The following KCNN2 variants were observed in gnomAD, a reference collection of about 807,000 sequenced individuals.
The protein encoded by KCNN2 is potassium calcium-activated channel subfamily N member 2.
In KCNN2, 24 loss-of-function variants were observed where a neutral mutation model predicts 55.5. The observed-to-expected ratio is 0.43, with a 90% confidence interval of 0.31 to 0.61. The LOEUF (loss-of-function observed/expected upper bound fraction) is 0.61. Ranked by LOEUF, KCNN2 falls within the 20% of genes least tolerant of loss-of-function variation. The probability of loss-of-function intolerance (pLI) is 0.08; values close to 1 mark genes in which losing one functional copy is unlikely to be tolerated. For synonymous variants in KCNN2, 431 were observed against 336.1 expected, an observed-to-expected ratio of 1.28 and a Z score of -3.09; for missense variants, 754 against 853.6, an observed-to-expected ratio of 0.88 and a Z score of 1.45.
At chr5:114,215,394 A>G (rs1249338466) in intron 1 of KCNN2, among the ~76,000 whole-genome samples, 1 of 152,114 alleles carries the variant, frequency 6.6e-6, no homozygotes, top group Non-Finnish European at 1.5e-5. Flanking sequence ...AAAGAATAAC[A>G]AAGGAGAGTT....
At chr5:114,423,237 G>T (rs1759522233) in intron 3 of KCNN2, among the ~76,000 whole-genome samples, 1 of 152,244 alleles carries the variant, frequency 6.6e-6, no homozygotes, top group East Asian at 1.9e-4. Flanking sequence ...TTGGATAAGA[G>T]AATCGGGCTA....
At chr5:114,139,986 T>C (rs1450703611) in intron 1 of KCNN2, among the ~76,000 whole-genome samples, 1 of 152,102 alleles carries the variant, frequency 6.6e-6, no homozygotes, top group Non-Finnish European at 1.5e-5. Flanking sequence ...AAGAAAGATA[T>C]TAGATTTGCA....
At chr5:114,444,161 C>T (rs1561387226) in intron 3 of KCNN2, among the ~76,000 whole-genome samples, 1 of 152,156 alleles carries the variant, frequency 6.6e-6, no homozygotes, top group East Asian at 1.9e-4. Context: ...CACCAAGACT[C>T]TCCTTTTTGA....
At chr5:114,179,607 T>G (rs972865941) in intron 1 of KCNN2, among the ~76,000 whole-genome samples, 1 of 152,206 alleles carries the variant, frequency 6.6e-6, no homozygotes, top group Admixed American at 6.5e-5. Flanking sequence ...TGTCTACTTT[T>G]AGACAGTGTT....
chr5:114,163,719 G>A (rs1752846459), intron 1 of KCNN2, among the ~76,000 whole-genome samples: 1 of 152,114 alleles, frequency 6.6e-6, no homozygotes, highest in Non-Finnish European at 1.5e-5. Context: ...TGGGGAGGAA[G>A]GATGTGTGTC....
intron 1 of KCNN2, among the ~76,000 whole-genome samples, chr5:114,218,053 A>C (rs79958988): frequency 0.027 from 4,089 of 152,304 alleles, 166 homozygotes; most frequent in African/African-American, 0.093. Flanking sequence ...ATACCACTAC[A>C]CAAGTACTGA....
Position 114,089,939 on chromosome 5 carries a change from T to C in KCNN2, c.-271+33439T>C, listed in dbSNP as rs1355948263. ...TTGCTTAAAGTATTTCTTAATACTT[T>C]TATTGTTTTAGTAGATGTTTTACAA... On this transcript the variant is annotated intron_variant, in intron 1 of 10. Coordinates refer to the KCNN2 transcript ENST00000512097. Among the ~76,000 whole-genome samples the C allele has an allele frequency of 2.0e-5, 3 of 152,214 alleles. No individual in the cohort carries two copies. The East Asian group carries it at 5.8e-4, about 29-fold the overall frequency.
chr5:114,436,739 C>T (rs917208410), intron 3 of KCNN2, among the ~76,000 whole-genome samples: 1 of 152,160 alleles, frequency 6.6e-6, no homozygotes, highest in African/African-American at 2.4e-5. Flanking sequence ...ATGAATCATG[C>T]AGTTCAGCTT....
chr5:114,364,219 G>A (rs1757536612), intron 2 of KCNN2, among the ~76,000 whole-genome samples: 1 of 152,166 alleles, frequency 6.6e-6, no homozygotes. Context: ...TTTCTGAGGT[G>A]TATTTGTTGG....
intron 1 of KCNN2, among the ~76,000 whole-genome samples, chr5:114,085,066 A>ATG (rs891450981): frequency 2.2e-5 from 3 of 133,818 alleles, no homozygotes; most frequent in African/African-American, 8.0e-5. Flanking sequence ...ATATATATAT[A>ATG]TATGTGTGTG....
chr5:114,246,179 CTTG>C (rs1343385083), intron 2 of KCNN2, among the ~76,000 whole-genome samples: 1 of 152,040 alleles, frequency 6.6e-6, no homozygotes, highest in Non-Finnish European at 1.5e-5. Context: ...TACATAAGTA[CTTG>C]TTGTAGATAT....
At position 114,083,234 on chromosome 5, in the gene KCNN2, T is replaced by C. The variant is rs1750862257; in HGVS notation, c.-271+26734T>C. Among the ~76,000 whole-genome samples, 3 of 152,220 alleles carry C rather than the reference T, an allele frequency of 2.0e-5. No individual in the cohort carries two copies. The South Asian group carries it at 6.2e-4, about 32-fold the overall frequency. ...TGAAAATTTTGATTTCATTACTTTTTCACCATTTTTTATTTTGTTGATTTT... is the reference window on the plus strand; with the variant it reads ...TGAAAATTTTGATTTCATTACTTTTCCACCATTTTTTATTTTGTTGATTTT... On this transcript the variant is annotated intron_variant, in intron 1 of 10. Transcript: ENST00000512097.
intron 1 of KCNN2, among the ~76,000 whole-genome samples, chr5:114,144,868 A>G (rs1483777363): frequency 1.3e-5 from 2 of 150,578 alleles, no homozygotes; most frequent in South Asian, 2.1e-4. Flanking sequence ...ATGGGGGGGT[A>G]TAAGTCCTCA....
chr5:114,416,574 T>C (rs1441511064), intron 3 of KCNN2, among the ~76,000 whole-genome samples: 1 of 152,176 alleles, frequency 6.6e-6, no homozygotes, highest in Non-Finnish European at 1.5e-5. Flanking sequence ...TGGCAATTGA[T>C]TTTGACATAC....
rs1011815033 is a variant in KCNN2, at chr5:114,362,709, C to T, written c.570C>T (p.His190=). 2.8e-5 allele frequency: 42 copies of T among 1,496,952 alleles called. No homozygotes were observed. Among genetic ancestry groups the T allele is most frequent in the Admixed American group, 1.8e-4 (8 of 43,972 alleles). 92.7% of individuals were successfully genotyped at this position (1,496,952 alleles called of 1,614,324 possible). ...PPLSHHHHHP[H]PAHHQHHQPQ... ...TCTCGCACCACCACCACCACCCGCA[C>T]CCGGCGCACCACCAGCACCACCAGC... The change falls in exon 1 of 8, where the codon CAC becomes CAT. Residue 190 remains histidine, a synonymous_variant. Transcript: ENST00000673685.
chr5:114,192,806 G>A (rs1435718092), intron 1 of KCNN2, among the ~76,000 whole-genome samples: 1 of 152,010 alleles, frequency 6.6e-6, no homozygotes, highest in Non-Finnish European at 1.5e-5. Context: ...CTGAAGCTAC[G>A]AACTGAGCTA....
At chr5:114,114,988 G>C (rs910159148) in intron 1 of KCNN2, among the ~76,000 whole-genome samples, 3 of 152,064 alleles carry the variant, frequency 2.0e-5, no homozygotes, top group Non-Finnish European at 2.9e-5. Flanking sequence ...ATTAGTTGGT[G>C]GGATATATAT....
At chr5:114,343,441 T>A (rs1391258251) in intron 2 of KCNN2, among the ~76,000 whole-genome samples, 1 of 152,186 alleles carries the variant, frequency 6.6e-6, no homozygotes, top group African/African-American at 2.4e-5. Context: ...CCTGAATACA[T>A]CTTTCAACTG....
chr5:114,269,414 A>G (rs1755275709), intron 2 of KCNN2, among the ~76,000 whole-genome samples: 1 of 152,076 alleles, frequency 6.6e-6, no homozygotes, highest in Non-Finnish European at 1.5e-5. Flanking sequence ...AACATAGGTA[A>G]AGGGGTTTCT....
Sources: gnomAD v4.1 joint callset for allele counts (sites outside exome capture counted in the v4.1 genomes callset) on GRCh38, gnomAD v4.1.1 for gene constraint, MANE v1.5 for transcripts, NCBI Gene and HGNC (gene_info 2026-07-23, HGNC 2026-07-21) for gene names.